EPB41L1: variants seen among roughly 807,000 people sequenced by gnomAD.
EPB41L1 encodes the protein band 4.1-like protein 1.
EPB41L1 carries 29 observed loss-of-function variants against 97.8 expected under a neutral mutation model. That is an observed-to-expected ratio of 0.30 (90% confidence interval 0.22 to 0.40). The LOEUF (loss-of-function observed/expected upper bound fraction) is 0.40. EPB41L1 is among the 10% of genes least tolerant of loss of function. The probability of loss-of-function intolerance (pLI) is 1.00; values close to 1 mark genes in which losing one functional copy is unlikely to be tolerated. For synonymous variants in EPB41L1, 383 were observed against 459.2 expected, an observed-to-expected ratio of 0.83 and a Z score of 2.12; for missense variants, 812 against 1,162.3, an observed-to-expected ratio of 0.70 and a Z score of 4.38.
At chr20:36,185,090 C>A in intron 6 of EPB41L1, 27 bp from the exon 7 acceptor site, 1 of 1,609,318 alleles carries the variant, frequency 6.2e-7, no homozygotes, top group Non-Finnish European at 8.5e-7. Context: ...GGGCCCTGTG[C>A]CCATGCTGGC....
chr20:36,108,809 A>G lies in EPB41L1; in HGVS notation c.-64-3617A>G, dbSNP rs574986588. ...CATTTGATTAATAACAGAAGACTAC[A>G]TAAAGACTAGTTATTTGGGGAAGGT... On this transcript the variant is annotated intron_variant, in intron 1 of 19. Coordinates refer to the EPB41L1 transcript ENST00000202028. Among the ~76,000 whole-genome samples, 10 of 152,364 alleles carry G rather than the reference A, an allele frequency of 6.6e-5. No homozygotes were observed. In the South Asian group the frequency reaches 1.9e-3, roughly 28 times the overall value.
At chr20:36,152,394 T>C (rs564974095), upstream of EPB41L1, 3 of 153,546 alleles carry the variant, frequency 2.0e-5, no homozygotes, top group African/African-American at 7.2e-5. Context: ...CTCCATCTGG[T>C]TGAGGAGGGT....
In EPB41L1 at chr20:36,209,956, CT is replaced by C; in HGVS notation, c.2079+59del. On this transcript the variant is annotated intron_variant, in intron 15 of 21. Coordinates refer to ENST00000338074, the MANE Select transcript of EPB41L1 (RefSeq NM_012156.2). This position sits in a 1 kb window ranked among gnomAD's most constrained non-coding sequence, Gnocchi z 4.2. ...CTGGGCACCGCATGCTCAGAGGGCC[CT>C]GGGCCACCCGTGAGAAGACCGAGCA... is the stretch of plus-strand genomic sequence containing the variant. 3.1e-6 allele frequency: 5 copies of C among 1,590,274 alleles called. No homozygotes were observed. The highest frequency in any genetic ancestry group is 4.3e-6 in the Non-Finnish European group (5 of 1,168,576).
chr20:36,139,265 T>A lies in EPB41L1; in HGVS notation c.-10+26785T>A, dbSNP rs531211818. 2.0e-5 allele frequency among the ~76,000 whole-genome samples: 3 copies of A among 152,286 alleles called. No homozygotes were observed. The South Asian group carries it at 6.2e-4, about 32-fold the overall frequency. ...AGAGGCAGAAAATTTTACAGAAAGG[T>A]GGGAAAAGAAAGGCTATGAAGTAGA... On this transcript the variant is annotated intron_variant, in intron 2 of 19. Transcript: ENST00000202028.
chr20:36,139,441 T>C (rs1313929222), intron 2 of EPB41L1, among the ~76,000 whole-genome samples: 1 of 152,232 alleles, frequency 6.6e-6, no homozygotes, highest in East Asian at 1.9e-4. Context: ...ATTTTTTTGT[T>C]ATGCAAAATT....
At chr20:36,210,035 G>A (rs925266431) in intron 15 of EPB41L1, 137 bp downstream of exon 15, 1 of 1,049,288 alleles carries the variant, frequency 9.5e-7, no homozygotes, top group East Asian at 2.6e-5. Flanking sequence ...CCCCTCCGCA[G>A]AACAGCATGG....
chr20:36,168,018 A>AT (rs1027197655), intron 1 of EPB41L1, among the ~76,000 whole-genome samples: 6 of 152,244 alleles, frequency 3.9e-5, no homozygotes, highest in African/African-American at 1.2e-4. Flanking sequence ...CAGTTGATTC[A>AT]TTTTTTAAGG....
At chr20:36,187,603 T>A (rs756053331) in intron 7 of EPB41L1, 73 bp from the exon 8 acceptor site, 2 of 1,209,928 alleles carry the variant, frequency 1.7e-6, no homozygotes, top group African/African-American at 3.0e-5. Flanking sequence ...GTTCTGATGG[T>A]GGGCACCTTT....
chr20:36,166,851 C>T (rs562572652), intron 1 of EPB41L1, among the ~76,000 whole-genome samples: 12 of 152,012 alleles, frequency 7.9e-5, no homozygotes, highest in East Asian at 1.9e-4. Flanking sequence ...GGCAACAGAA[C>T]GAGACTGTCT....
chr20:36,118,724 G>T (rs1274581062), intron 2 of EPB41L1, among the ~76,000 whole-genome samples: 1 of 152,188 alleles, frequency 6.6e-6, no homozygotes, highest in Non-Finnish European at 1.5e-5. Context: ...GTGCTTAATA[G>T]ATGCTTAATA....
intron 2 of EPB41L1, chr20:36,121,950 A>T (rs1354679328): frequency 6.6e-6 from 1 of 152,180 alleles, no homozygotes; most frequent in Non-Finnish European, 1.5e-5. Flanking sequence ...GGGTGGTGAA[A>T]CCAAAGCCCG....
intron 21 of EPB41L1, among the ~76,000 whole-genome samples, chr20:36,228,050 CT>C (rs2064280539): frequency 6.6e-6 from 1 of 152,220 alleles, no homozygotes; most frequent in Non-Finnish European, 1.5e-5. Flanking sequence ...CCTGAAGCCT[CT>C]GGGCCTCGGT....
At chr20:36,205,828 C>T in intron 14 of EPB41L1, 1 of 1,273,648 alleles carries the variant, frequency 7.9e-7, no homozygotes, top group Non-Finnish European at 1.0e-6. Flanking sequence ...GTTAACTCTT[C>T]TTGCTCCAAT....
chr20:36,094,082 C>T (rs922908062), intron 1 of EPB41L1, among the ~76,000 whole-genome samples: 2 of 152,234 alleles, frequency 1.3e-5, no homozygotes, highest in Non-Finnish European at 2.9e-5. Context: ...CTGGTGCATA[C>T]AGGCATTTCT....
At chr20:36,215,761 A>G (rs2063406272) in intron 17 of EPB41L1, among the ~76,000 whole-genome samples, 1 of 152,326 alleles carries the variant, frequency 6.6e-6, no homozygotes, top group Middle Eastern at 3.4e-3. Flanking sequence ...AGTCTGTACT[A>G]TCTGCCTGGT....
chr20:36,209,732 G>T lies in EPB41L1; in HGVS notation c.1913G>T (p.Arg638Leu), dbSNP rs747834612. ...YHGSAFEDFSRSLPELDRDKS... is the reference protein window; with the variant it reads ...YHGSAFEDFSLSLPELDRDKS... ...GGCAGCGCCTTCGAAGACTTCTCCC[G>T]CAGCCTGCCTGAGCTCGACCGGGAC... is the stretch of plus-strand genomic sequence containing the variant. Residue 638 changes from arginine (R) to leucine (L), a missense_variant, in exon 15 of 22, where the codon CGC becomes CTC. Arg to Leu is a moderately radical substitution (Grantham distance 102, BLOSUM62 -2). This residue lies in a region of EPB41L1 where 498 missense variants were observed against 622.7 expected (regional missense o/e 0.80). Transcript: ENST00000338074. This position sits in a 1 kb window ranked among gnomAD's most constrained non-coding sequence, Gnocchi z 4.2. 1 of 1,614,100 alleles carries T rather than the reference G, an allele frequency of 6.2e-7. No individual in the cohort carries two copies. Among genetic ancestry groups the T allele is most frequent in the South Asian group, 1.1e-5 (1 of 91,084 alleles).
chr20:36,093,456 C>A lies in EPB41L1; in HGVS notation c.-65+1844C>A, dbSNP rs79012926. On this transcript the variant is annotated intron_variant, in intron 1 of 19. Coordinates refer to the EPB41L1 transcript ENST00000202028. The surrounding 1 kb of genome is among the most constrained non-coding windows in gnomAD (Gnocchi z 5.4). Reference sequence around the variant, plus strand: ...TTGTCTTCGCACTGCCGGGAGGAAGCGGTGGGGGCGGCGGTCCAGGCGCCG... The same window carrying A: ...TTGTCTTCGCACTGCCGGGAGGAAGAGGTGGGGGCGGCGGTCCAGGCGCCG... Among the ~76,000 whole-genome samples the A allele has an allele frequency of 6.6e-6, 1 of 150,570 alleles. No homozygotes were observed.
At chr20:36,208,087 C>T (rs1054181206) in intron 14 of EPB41L1, among the ~76,000 whole-genome samples, 1 of 152,206 alleles carries the variant, frequency 6.6e-6, no homozygotes, top group Admixed American at 6.5e-5. Context: ...GCAAATGACA[C>T]ACCTGCTTTG....
intron 1 of EPB41L1, among the ~76,000 whole-genome samples, chr20:36,108,300 T>C (rs951817850): frequency 6.6e-6 from 1 of 152,054 alleles, no homozygotes; most frequent in African/African-American, 2.4e-5. Context: ...TTTACATTGA[T>C]TACATGTTGA....
Sources: allele counts gnomAD v4.1 joint callset (sites outside exome capture counted in the v4.1 genomes callset), GRCh38; gene constraint gnomAD v4.1.1; regional missense constraint gnomAD v4.1.1; non-coding constraint Gnocchi (gnomAD v3.1); transcripts MANE v1.5; gene names NCBI Gene and HGNC (gene_info 2026-07-23, HGNC 2026-07-21).